PKHD1: variants seen among roughly 807,000 people sequenced by gnomAD.
PKHD1 encodes the protein PKHD1 ciliary IPT domain containing fibrocystin/polyductin.
PKHD1 carries 291 observed loss-of-function variants against 412.0 expected under a neutral mutation model. The ratio of observed to expected loss-of-function variants is 0.71; its 90% CI spans 0.64 to 0.78. PKHD1 has a LOEUF of 0.78. PKHD1 is among the 30% of genes least tolerant of loss of function. PKHD1 has a pLI of 0.00. For missense variants in PKHD1, 4,825 were observed against 4,950.7 expected (o/e 0.97, Z 0.76); for synonymous variants, 1,777 against 1,821.5 (o/e 0.98, Z 0.62).
chr6:51,691,214 T>C (rs1221647774), intron 60 of PKHD1, among the ~76,000 whole-genome samples: 1 of 152,168 alleles, frequency 6.6e-6, no homozygotes, highest in Non-Finnish European at 1.5e-5. Context: ...GGTGGGAGTG[T>C]AAATCAGTCC....
intron 18 of PKHD1, 39 bp from the exon 19 acceptor site, chr6:52,055,768 A>G (rs1473516688): frequency 2.5e-5 from 41 of 1,609,054 alleles, no homozygotes; most frequent in Non-Finnish European, 3.5e-5. Flanking sequence ...GCAGGCATAG[A>G]TATTAAAAAA....
chr6:51,761,753 T>A (rs1449020859), intron 55 of PKHD1, among the ~76,000 whole-genome samples: 1 of 151,974 alleles, frequency 6.6e-6, no homozygotes, highest in African/African-American at 2.4e-5. Flanking sequence ...AATAAGTCAA[T>A]CACTTGAGAA....
At chr6:51,978,810 C>G (rs1794779357) in intron 35 of PKHD1, among the ~76,000 whole-genome samples, 1 of 152,168 alleles carries the variant, frequency 6.6e-6, no homozygotes, top group Non-Finnish European at 1.5e-5. Context: ...CTATTATCAC[C>G]TACCTCATAA....
At chr6:52,058,705 T>C in intron 15 of PKHD1, 104 bp from the exon 16 acceptor site, 2 of 1,209,482 alleles carry the variant, frequency 1.7e-6, no homozygotes, top group East Asian at 2.4e-5. Flanking sequence ...AGTTTTGAAC[T>C]GGTCTGCCTT....
chr6:52,016,048 A>G (rs887264178), intron 34 of PKHD1, among the ~76,000 whole-genome samples: 34 of 152,156 alleles, frequency 2.2e-4, no homozygotes, highest in African/African-American at 8.2e-4. Flanking sequence ...TGGAGCCAGG[A>G]CCTACTGACA....
In PKHD1 at chr6:52,056,789, C is replaced by T. The variant is rs774972214; in HGVS notation, c.1603-1G>A. On this transcript the variant is annotated splice_acceptor_variant, in intron 17 of 66. Transcript: ENST00000371117. LOFTEE classifies it high-confidence loss of function. ...GTAACTCCTCAATGGTTGTTTGAAT[C>T]TATTACAAAGGAAAAAAATGCCAGG... 1 of 1,611,356 alleles carries T rather than the reference C, an allele frequency of 6.2e-7. No individual in the cohort carries two copies. Among genetic ancestry groups the T allele is most frequent in the Non-Finnish European group, 8.5e-7 (1 of 1,177,646 alleles).
At chr6:51,862,177 T>C (rs1372913687) in intron 48 of PKHD1, among the ~76,000 whole-genome samples, 2 of 152,242 alleles carry the variant, frequency 1.3e-5, no homozygotes, top group African/African-American at 2.4e-5. Flanking sequence ...ATATGTTCAG[T>C]GCTTTTAGGT....
In PKHD1 at chr6:51,912,383, A is replaced by G. The variant is rs1485735734; in HGVS notation, c.6315T>C (p.Tyr2105=). 6.2e-7 allele frequency: 1 copy of G among 1,610,892 alleles called. No individual in the cohort carries two copies. The highest frequency in any genetic ancestry group is 2.2e-5 in the East Asian group (1 of 44,844). Reference sequence around the variant, plus strand: ...CTCAGTACCTCAAAGGTGACTTAAGATAGAGGTCTGTATCCTGCACAGTTT... The same window carrying G: ...CTCAGTACCTCAAAGGTGACTTAAGGTAGAGGTCTGTATCCTGCACAGTTT... ...TVETVQDTDL[Y]LKSPLRYSHN... is the part of the protein sequence containing the mutation. The change falls in exon 38 of 67, where the codon TAT becomes TAC. Residue 2105 remains tyrosine (Y), a synonymous_variant. Coordinates refer to ENST00000371117, the MANE Select transcript of PKHD1 (RefSeq NM_138694.4).
At chr6:51,792,818 T>A (rs1263399253) in intron 52 of PKHD1, among the ~76,000 whole-genome samples, 1 of 152,170 alleles carries the variant, frequency 6.6e-6, no homozygotes, top group Non-Finnish European at 1.5e-5. Flanking sequence ...TCCACCACTC[T>A]CCCTGGGGAA....
chr6:51,884,508 C>T (rs967283791), intron 45 of PKHD1, among the ~76,000 whole-genome samples: 2 of 152,208 alleles, frequency 1.3e-5, no homozygotes, highest in South Asian at 4.1e-4. Flanking sequence ...GGGAAGTTTA[C>T]GTTTTAAATT....
In PKHD1 at chr6:51,855,972, C is replaced by A. The variant is rs143570672; in HGVS notation, c.7832G>T (p.Arg2611Leu). The A allele has an allele frequency of 2.5e-6, 4 of 1,612,786 alleles. No individual in the cohort carries two copies. The highest frequency in any genetic ancestry group is 2.5e-6 in the Non-Finnish European group (3 of 1,178,812). Residue 2611 changes from arginine to leucine, a missense_variant, in exon 49 of 67, where the codon CGT (arginine) becomes CTT (leucine). Arg to Leu is a moderately radical substitution (Grantham distance 102, BLOSUM62 -2). Transcript: ENST00000371117. ...NYVRDTLSNP[R>L]GWMALLLDQE... is the part of the protein sequence containing the mutation. ...GTCCAAGAGCAGAGCCATCCAGCCACGAGGGTTAGACAATGTATCACGTAC... is the reference window on the plus strand; with the variant it reads ...GTCCAAGAGCAGAGCCATCCAGCCAAGAGGGTTAGACAATGTATCACGTAC...
At chr6:51,966,937 G>A (rs1792896642) in intron 35 of PKHD1, among the ~76,000 whole-genome samples, 2 of 143,404 alleles carry the variant, frequency 1.4e-5, no homozygotes, top group Non-Finnish European at 3.1e-5. Flanking sequence ...ATTGGGAAAG[G>A]AGCAGAGAAG....
chr6:52,068,683 G>A (rs1810122570), intron 11 of PKHD1, among the ~76,000 whole-genome samples: 1 of 152,170 alleles, frequency 6.6e-6, no homozygotes, highest in South Asian at 2.1e-4. Flanking sequence ...TTCTATAGCA[G>A]CTATCGTTAT....
At chr6:51,932,607 G>T (rs1006128018) in intron 37 of PKHD1, among the ~76,000 whole-genome samples, 1 of 152,218 alleles carries the variant, frequency 6.6e-6, no homozygotes, top group Non-Finnish European at 1.5e-5. Flanking sequence ...CATGGCTGAC[G>T]TGGGAATAGA....
chr6:51,927,135 T>G (rs1417658727), intron 37 of PKHD1, among the ~76,000 whole-genome samples: 1 of 152,106 alleles, frequency 6.6e-6, no homozygotes, highest in Admixed American at 6.6e-5. Context: ...TCCCCTCTAT[T>G]TAATCCTCCT....
chr6:51,987,658 G>C (rs1438757297), intron 35 of PKHD1, among the ~76,000 whole-genome samples: 2 of 151,466 alleles, frequency 1.3e-5, no homozygotes, highest in African/African-American at 2.4e-5. Flanking sequence ...GGTTAAATCA[G>C]ACTGAATCTC....
At chr6:51,857,458 G>A (rs769348654) in intron 48 of PKHD1, among the ~76,000 whole-genome samples, 2 of 152,238 alleles carry the variant, frequency 1.3e-5, no homozygotes, top group Non-Finnish European at 2.9e-5. Flanking sequence ...TTGGGCACTG[G>A]AACAAATGGG....
chr6:52,064,683 A>G (rs999261505), intron 13 of PKHD1, among the ~76,000 whole-genome samples: 14 of 151,852 alleles, frequency 9.2e-5, no homozygotes, highest in African/African-American at 3.1e-4. Context: ...CAATATCTTG[A>G]GGGCAGTTAT....
At position 51,659,841 on chromosome 6, in the gene PKHD1, G is replaced by A; in HGVS notation, c.10285C>T (p.Pro3429Ser). ...DAIWAIQKLY[P>S]VVSVTSGFVD... ...AAACCACTAGTCACAGATACAACTG[G>A]ATATAACTTCTGAATTGCCCAAATG... is the stretch of plus-strand genomic sequence containing the variant. Residue 3429 changes from proline to serine, a missense_variant, in exon 61 of 67, where the codon CCA becomes TCA. Coordinates refer to ENST00000371117, the MANE Select transcript of PKHD1 (RefSeq NM_138694.4). 3.1e-6 allele frequency: 5 copies of A among 1,613,804 alleles called. No individual in the cohort carries two copies. Among genetic ancestry groups the A allele is most frequent in the Non-Finnish European group, 4.2e-6 (5 of 1,179,836 alleles).
Sources: gnomAD v4.1 joint callset for allele counts (sites outside exome capture counted in the v4.1 genomes callset) on GRCh38, gnomAD v4.1.1 for gene constraint, MANE v1.5 for transcripts, NCBI Gene and HGNC (gene_info 2026-07-23, HGNC 2026-07-21) for gene names.